Variants in MID1 observed in about 807,000 individuals in gnomAD.
The protein encoded by MID1 is midline 1.
In MID1, 7 loss-of-function variants were observed where a neutral mutation model predicts 40.4. The ratio of observed to expected loss-of-function variants is 0.17; its 90% CI spans 0.10 to 0.33. The LOEUF (loss-of-function observed/expected upper bound fraction) is 0.33. MID1 is among the 10% of genes least tolerant of loss of function. The probability of loss-of-function intolerance (pLI) is 1.00; values close to 1 mark genes in which losing one functional copy is unlikely to be tolerated. For synonymous variants in MID1, 229 were observed against 221.2 expected (o/e 1.04, Z -0.31); for missense variants, 367 against 558.5 (o/e 0.66, Z 3.46).
intron 1 of MID1, among the ~76,000 whole-genome samples, chrX:10,755,226 A>C (rs2043625309): frequency 8.9e-6 from 1 of 112,196 alleles, no homozygotes; most frequent in Non-Finnish European, 1.9e-5. Context: ...GAGAAGTAAA[A>C]GTGATTCACG....
At chrX:10,541,696 C>T (rs1933475019) in intron 2 of MID1, among the ~76,000 whole-genome samples, 1 of 111,074 alleles carries the variant, frequency 9.0e-6, no homozygotes, top group Admixed American at 9.7e-5. Flanking sequence ...AGTTTAGCAT[C>T]CATTTCAAGC....
At chrX:10,739,694 T>C (rs1407637045) in intron 1 of MID1, among the ~76,000 whole-genome samples, 2 of 112,246 alleles carry the variant, frequency 1.8e-5, no homozygotes, top group African/African-American at 6.5e-5. Flanking sequence ...TATGGAAATG[T>C]ATCAATGGAA....
intron 1 of MID1, among the ~76,000 whole-genome samples, chrX:10,708,417 C>A (rs1201455102): frequency 9.0e-6 from 1 of 111,024 alleles, no homozygotes; most frequent in Non-Finnish European, 1.9e-5. Context: ...ATTCAGGATA[C>A]AAATCAATTC....
chrX:10,570,550 T>C (rs1934693036), intron 1 of MID1, among the ~76,000 whole-genome samples: 1 of 112,402 alleles, frequency 8.9e-6, no homozygotes, highest in South Asian at 3.7e-4. Context: ...GACTCAAACA[T>C]TCATTGATTC....
intron 1 of MID1, among the ~76,000 whole-genome samples, chrX:10,591,039 AT>A (rs1484606826): frequency 1.8e-5 from 2 of 112,026 alleles, no homozygotes; most frequent in East Asian, 5.5e-4. Context: ...GCTTTTAAAC[AT>A]TAAAAAAAAA....
chrX:10,611,340 C>T (rs983052974), intron 1 of MID1, among the ~76,000 whole-genome samples: 3 of 111,789 alleles, frequency 2.7e-5, no homozygotes, highest in Admixed American at 9.5e-5. Context: ...AAAATGTGTT[C>T]GAAATCAACT....
intron 1 of MID1, among the ~76,000 whole-genome samples, chrX:10,686,419 CCAG>C (rs777407467): frequency 9.0e-6 from 1 of 111,584 alleles, no homozygotes; most frequent in South Asian, 3.8e-4. Flanking sequence ...TTTACTGAGA[CCAG>C]CAGCTTCCCA....
At chrX:10,519,916 C>T (rs1932626129) in intron 3 of MID1, among the ~76,000 whole-genome samples, 1 of 112,189 alleles carries the variant, frequency 8.9e-6, no homozygotes, top group Admixed American at 9.5e-5. Flanking sequence ...ACAGACTTTA[C>T]AAACACAAAG....
rs186019212 is a variant in MID1, at chrX:10,546,271, C to A, written c.660+20617G>T. Reference sequence around the variant, plus strand: ...TGTGCAACAACAGCAAAAACACACACAAACAATATTTAGAAGCTGTAAAAT... The same window carrying A: ...TGTGCAACAACAGCAAAAACACACAAAAACAATATTTAGAAGCTGTAAAAT... On this transcript the variant is annotated intron_variant, in intron 2 of 9. Coordinates refer to ENST00000317552, the MANE Select transcript of MID1 (RefSeq NM_000381.4). Among the ~76,000 whole-genome samples the A allele has an allele frequency of 5.8e-4, 65 of 112,260 alleles. No homozygotes were observed. In the East Asian group the frequency reaches 0.017, roughly 29 times the overall value.
rs762898271 is a variant in MID1 at position 10,599,114 on chromosome X, T to C, written c.-57+21176A>G. Among the ~76,000 whole-genome samples, 10 of 111,599 alleles carry C rather than the reference T, an allele frequency of 9.0e-5. No individual in the cohort carries two copies. The South Asian group carries it at 3.8e-3, about 43-fold the overall frequency. ...TAACCCTTCAAGAATCCACAATAAG[T>C]CTTGCCAGACAAGTCCTAGCTCTTG... On this transcript the variant is annotated intron_variant, in intron 1 of 9. Coordinates refer to ENST00000317552, the MANE Select transcript of MID1 (RefSeq NM_000381.4).
At chrX:10,799,458 T>G (rs1462942274) in intron 1 of MID1, among the ~76,000 whole-genome samples, 1 of 111,973 alleles carries the variant, frequency 8.9e-6, no homozygotes, top group Non-Finnish European at 1.9e-5. Flanking sequence ...GGCCATGGCA[T>G]GAGGATAGCA....
In MID1 at chrX:10,827,771, G is replaced by A. The variant is rs1399665800; in HGVS notation, c.-187+5783C>T. On this transcript the variant is annotated intron_variant, in intron 1 of 10. Coordinates refer to the MID1 transcript ENST00000380785. ...TTCTAGTAGAAATGCAGAGAAAGAA[G>A]CTCTTTATTTAAAAATGCTGCATTT... Among the ~76,000 whole-genome samples, 3 of 111,065 alleles carry A rather than the reference G, an allele frequency of 2.7e-5. No individual in the cohort carries two copies. The Admixed American group carries it at 2.9e-4, about 11-fold the overall frequency.
intron 8 of MID1, among the ~76,000 whole-genome samples, chrX:10,456,950 A>ATG (rs1928714952): frequency 8.9e-6 from 1 of 112,456 alleles, no homozygotes. Context: ...ATTGGATTAC[A>ATG]TGTGTAGTTT....
chrX:10,699,357 T>A (rs1174511005), intron 1 of MID1, among the ~76,000 whole-genome samples: 1 of 112,461 alleles, frequency 8.9e-6, no homozygotes, highest in Non-Finnish European at 1.9e-5. Context: ...TAAACACTTT[T>A]ATTCCACCAT....
intron 7 of MID1, among the ~76,000 whole-genome samples, chrX:10,461,574 G>T (rs755631394): frequency 9.0e-6 from 1 of 111,438 alleles, no homozygotes; most frequent in South Asian, 3.8e-4. Context: ...CCAAATATTA[G>T]ATTTTGATCC....
chrX:10,489,732 G>C (rs1930827548), intron 4 of MID1, among the ~76,000 whole-genome samples: 1 of 91,665 alleles, frequency 1.1e-5, no homozygotes. Flanking sequence ...GTCTCTCTCT[G>C]TCGCCCGGGC....
chrX:10,500,531 A>G lies in MID1; in HGVS notation c.757-4840T>C, dbSNP rs1443486625. 4.5e-5 allele frequency among the ~76,000 whole-genome samples: 5 copies of G among 112,336 alleles called. No homozygotes were observed. The South Asian group carries it at 1.5e-3, about 33-fold the overall frequency. Reference sequence around the variant, plus strand: ...AATAAAACAAGTTAAATACTATTCTATATTTCAGAATTTTTTCTACTACAA... The same window carrying G: ...AATAAAACAAGTTAAATACTATTCTGTATTTCAGAATTTTTTCTACTACAA... On this transcript the variant is annotated intron_variant, in intron 3 of 9. Transcript: ENST00000317552.
intron 1 of MID1, among the ~76,000 whole-genome samples, chrX:10,725,933 C>A (rs2043387642): frequency 8.9e-6 from 1 of 111,935 alleles, no homozygotes; most frequent in Admixed American, 9.5e-5. Context: ...TGGCTGAGTA[C>A]CCAAATAAGT....
chrX:10,743,367 G>A (rs756463294), intron 1 of MID1, among the ~76,000 whole-genome samples: 5 of 112,144 alleles, frequency 4.5e-5, no homozygotes, highest in Admixed American at 9.5e-5. Flanking sequence ...ACGAAACGGC[G>A]GCATTAAAAA....
Sources: allele counts gnomAD v4.1 joint callset (sites outside exome capture counted in the v4.1 genomes callset), GRCh38; gene constraint gnomAD v4.1.1; transcripts MANE v1.5; gene names NCBI Gene and HGNC (gene_info 2026-07-23, HGNC 2026-07-21).